Variants in COG5 observed in about 807,000 individuals in gnomAD.
COG5 encodes component of oligomeric golgi complex 5.
In COG5, 86 loss-of-function variants were observed where a neutral mutation model predicts 110.4. The observed-to-expected ratio is 0.78, with a 90% confidence interval of 0.65 to 0.93. The LOEUF (loss-of-function observed/expected upper bound fraction) is 0.93. Ranked by LOEUF, COG5 falls within the 40% of genes least tolerant of loss-of-function variation. The pLI, the probability that COG5 is intolerant of heterozygous loss-of-function variation, is 0.00. For synonymous variants in COG5, 360 were observed against 334.6 expected, an observed-to-expected ratio of 1.08 and a Z score of -0.83; for missense variants, 1,077 against 987.0, an observed-to-expected ratio of 1.09 and a Z score of -1.22.
chr7:107,317,179 T>A (rs1414324957), intron 11 of COG5, among the ~76,000 whole-genome samples: 1 of 152,000 alleles, frequency 6.6e-6, no homozygotes, highest in Non-Finnish European at 1.5e-5. Context: ...AGGAAACAAA[T>A]GAGATGAACC....
intron 2 of COG5, among the ~76,000 whole-genome samples, chr7:107,556,707 G>A (rs935981331): frequency 6.6e-6 from 1 of 151,938 alleles, no homozygotes; most frequent in Non-Finnish European, 1.5e-5. Flanking sequence ...GCCAAGAAAT[G>A]TATTCTATTT....
intron 5 of COG5, among the ~76,000 whole-genome samples, chr7:107,538,945 C>T (rs944285021): frequency 6.6e-6 from 1 of 151,998 alleles, no homozygotes; most frequent in African/African-American, 2.4e-5. Flanking sequence ...AAAGAAGTAC[C>T]TAAGTCCTCA....
At chr7:107,268,763 T>C (rs757046598) in intron 14 of COG5, among the ~76,000 whole-genome samples, 11 of 152,222 alleles carry the variant, frequency 7.2e-5, no homozygotes, top group Non-Finnish European at 1.2e-4. Context: ...TTTTTTGACT[T>C]AAGGTCTATT....
At chr7:107,548,220 G>A (rs769595795) in intron 4 of COG5, 40 bp from the exon 5 acceptor site, 4 of 1,603,684 alleles carry the variant, frequency 2.5e-6, no homozygotes, top group African/African-American at 1.3e-5. Context: ...ATCATTTTCA[G>A]AATATCAATG....
chr7:107,365,808 C>T (rs1373477337), intron 8 of COG5, among the ~76,000 whole-genome samples: 1 of 151,868 alleles, frequency 6.6e-6, no homozygotes, highest in Non-Finnish European at 1.5e-5. Flanking sequence ...CTGAATGATG[C>T]AAATTTTGAG....
At position 107,563,770 on chromosome 7, in the gene COG5, A is replaced by G. The variant is rs755683977; in HGVS notation, c.94+33T>C. 5 of 1,612,258 alleles carry G rather than the reference A, an allele frequency of 3.1e-6. No individual in the cohort carries two copies. In the Admixed American group the frequency reaches 8.3e-5, roughly 27 times the overall value. ...AGGTGCGGAGCAGCGCAGACCCCCA[A>G]CCCCACGACCTGGTCAGACCCCGTC... is the stretch of plus-strand genomic sequence containing the variant. On this transcript the variant is annotated intron_variant, in intron 1 of 21. Transcript: ENST00000297135.
chr7:107,485,532 A>C (rs556186066), intron 6 of COG5, among the ~76,000 whole-genome samples: 37 of 152,282 alleles, frequency 2.4e-4, no homozygotes, highest in Non-Finnish European at 4.6e-4. Context: ...AAACTACATA[A>C]ATGTTTCTAA....
intron 19 of COG5, among the ~76,000 whole-genome samples, chr7:107,227,727 G>A (rs1042447593): frequency 4.6e-5 from 7 of 151,872 alleles, no homozygotes; most frequent in Non-Finnish European, 7.4e-5. Flanking sequence ...GGTGGTGGGC[G>A]GTAAAGGGTC....
chr7:107,348,125 CAAAAAAAAA>C (rs34140927), intron 10 of COG5, among the ~76,000 whole-genome samples: 25 of 51,234 alleles, frequency 4.9e-4, no homozygotes, highest in Admixed American at 2.5e-3. Context: ...GACTCCATCT[CAAAAAAAAA>C]AAAAAAAAAA....
chr7:107,423,306 G>C (rs936704125), intron 6 of COG5, among the ~76,000 whole-genome samples: 2 of 152,014 alleles, frequency 1.3e-5, no homozygotes, highest in Non-Finnish European at 2.9e-5. Context: ...TCAGTAACAG[G>C]AATTAAAAAG....
intron 19 of COG5, among the ~76,000 whole-genome samples, chr7:107,229,189 G>A (rs761722831): frequency 2.4e-4 from 37 of 152,248 alleles, no homozygotes; most frequent in Non-Finnish European, 4.3e-4. Context: ...AGTGGCTCAC[G>A]CCTGTAATCT....
chr7:107,453,699 AAG>A (rs1368429599), intron 6 of COG5, among the ~76,000 whole-genome samples: 3 of 152,116 alleles, frequency 2.0e-5, no homozygotes, highest in Non-Finnish European at 4.4e-5. Flanking sequence ...CATGTTCAAA[AAG>A]AGAGCACAAT....
chr7:107,529,115 T>C (rs1800991251), intron 5 of COG5, among the ~76,000 whole-genome samples: 1 of 151,276 alleles, frequency 6.6e-6, no homozygotes, highest in Non-Finnish European at 1.5e-5. Context: ...ATATTATCCG[T>C]TTTCTGAATA....
chr7:107,258,386 G>GT lies in COG5; in HGVS notation c.1576-4dup. ...CTTGCATCTCCTTGTGTGGAGAGCT[G>GT]TAAGAATTCAATTTCAAAAGAATGT... On this transcript the variant is annotated splice_region_variant and splice_polypyrimidine_tract_variant and intron_variant, in intron 14 of 21. Transcript: ENST00000297135. 5 of 1,550,242 alleles carry GT rather than the reference G, an allele frequency of 3.2e-6. No homozygotes were observed. Among genetic ancestry groups the GT allele is most frequent in the Non-Finnish European group, 4.5e-6 (5 of 1,122,190 alleles).
chr7:107,230,234 G>T lies in COG5; in HGVS notation c.2168+381C>A, dbSNP rs1584546981. ...TGTAACTTATGACCTGTTAGAAGCA[G>T]ACTGGGTTAAAAATGATAAATGAAC... On this transcript the variant is annotated intron_variant, in intron 19 of 21. Coordinates refer to ENST00000297135, the MANE Select transcript of COG5 (RefSeq NM_006348.5). Among the ~76,000 whole-genome samples the T allele has an allele frequency of 2.0e-5, 3 of 152,134 alleles. No individual in the cohort carries two copies. The South Asian group carries it at 6.2e-4, about 32-fold the overall frequency.
chr7:107,210,276 G>A, intron 21 of COG5: 1 of 1,388,274 alleles, frequency 7.2e-7, no homozygotes, highest in Non-Finnish European at 9.3e-7. Flanking sequence ...GGTCCTTAGG[G>A]TTGCATGGGA....
intron 19 of COG5, among the ~76,000 whole-genome samples, chr7:107,219,379 G>A (rs954387313): frequency 1.3e-5 from 2 of 152,070 alleles, no homozygotes; most frequent in Admixed American, 6.5e-5. Flanking sequence ...AACAGATAGC[G>A]CACTTCATGC....
intron 7 of COG5, among the ~76,000 whole-genome samples, chr7:107,402,808 G>C (rs1281850531): frequency 3.9e-5 from 6 of 152,172 alleles, no homozygotes; most frequent in Non-Finnish European, 8.8e-5. Flanking sequence ...TGCATCCCCA[G>C]AAGATGTGCT....
rs186702892 is a variant in COG5, at chr7:107,333,207, T to C, written c.1027-8686A>G. 2.0e-3 allele frequency among the ~76,000 whole-genome samples: 304 copies of C among 152,292 alleles called. 2 individuals carry two copies. Among genetic ancestry groups the C allele is most frequent in the African/African-American group, 6.9e-3 (287 of 41,566 alleles). ...AATATATTAATTTTAAATTAGTTCT[T>C]AATCATTTTCTGGATTCAAAGCAGA... On this transcript the variant is annotated intron_variant, in intron 10 of 21. Coordinates refer to ENST00000297135, the MANE Select transcript of COG5 (RefSeq NM_006348.5).
Sources: allele counts gnomAD v4.1 joint callset (sites outside exome capture counted in the v4.1 genomes callset), GRCh38; gene constraint gnomAD v4.1.1; transcripts MANE v1.5; gene names NCBI Gene and HGNC (gene_info 2026-07-23, HGNC 2026-07-21).